CDH9: variants seen among roughly 807,000 people sequenced by gnomAD.
The protein encoded by CDH9 is cadherin 9.
CDH9 carries 28 observed loss-of-function variants against 70.9 expected under a neutral mutation model. That is an observed-to-expected ratio of 0.40 (90% CI 0.29 to 0.54). CDH9 has a LOEUF of 0.54. CDH9 is among the 20% of genes least tolerant of loss of function. The probability of loss-of-function intolerance (pLI) is 0.59; values close to 1 mark genes in which losing one functional copy is unlikely to be tolerated. For missense variants in CDH9, 874 were observed against 984.4 expected (o/e 0.89, Z 1.50); for synonymous variants, 409 against 343.1 (o/e 1.19, Z -2.12).
intron 2 of CDH9, among the ~76,000 whole-genome samples, chr5:26,943,470 G>C (rs539750203): frequency 6.7e-6 from 1 of 148,176 alleles, no homozygotes; most frequent in Non-Finnish European, 1.5e-5. Context: ...CTGAGATCAC[G>C]CCACTGCACT....
chr5:26,903,267 TC>T (rs1740887497), intron 6 of CDH9: 1 of 328,788 alleles, frequency 3.0e-6, no homozygotes, highest in Admixed American at 4.9e-5. Context: ...ACACAAAGCA[TC>T]TTCAGGTTTT....
rs376258714 is a variant in CDH9 at position 26,892,990 on chromosome 5, C to T, written c.1254-2426G>A. On this transcript the variant is annotated intron_variant, in intron 7 of 11. Transcript: ENST00000231021. ...CCTCGTGATCCGCCTGCCTTGGCCTCCCAAAGTGCTAGGACTACAGGCGTG... is the reference window on the plus strand; with the variant it reads ...CCTCGTGATCCGCCTGCCTTGGCCTTCCAAAGTGCTAGGACTACAGGCGTG... Among the ~76,000 whole-genome samples, 1,150 of 152,208 alleles carry T rather than the reference C, an allele frequency of 7.6e-3. 16 individuals carry two copies. Among genetic ancestry groups the T allele is most frequent in the African/African-American group, 0.026 (1,099 of 41,538 alleles).
intron 1 of CDH9, among the ~76,000 whole-genome samples, chr5:27,016,511 G>A (rs949781401): frequency 5.9e-5 from 9 of 151,698 alleles, no homozygotes; most frequent in East Asian, 1.9e-4. Flanking sequence ...TATTTTTAAG[G>A]TTTATGTATT....
chr5:26,896,022 A>G (rs572511092), intron 7 of CDH9, among the ~76,000 whole-genome samples: 1 of 152,126 alleles, frequency 6.6e-6, no homozygotes, highest in South Asian at 2.1e-4. Flanking sequence ...TGGCCTTGCA[A>G]ATTGGCAGAA....
At chr5:26,886,326 G>A (rs1261761769) in intron 9 of CDH9, among the ~76,000 whole-genome samples, 4 of 152,032 alleles carry the variant, frequency 2.6e-5, no homozygotes, top group Non-Finnish European at 2.9e-5. Context: ...GTATCTTAAT[G>A]CATTATTGTC....
intron 1 of CDH9, among the ~76,000 whole-genome samples, chr5:27,029,334 G>A (rs1383429669): frequency 6.6e-6 from 1 of 151,994 alleles, no homozygotes; most frequent in Non-Finnish European, 1.5e-5. Flanking sequence ...CATAATTGGA[G>A]TAATGTGGGA....
chr5:27,031,346 G>A (rs763141330), intron 1 of CDH9, among the ~76,000 whole-genome samples: 1 of 151,728 alleles, frequency 6.6e-6, no homozygotes, highest in African/African-American at 2.4e-5. Flanking sequence ...TTATTTTTAA[G>A]TGGTTAGGAT....
At chr5:27,030,872 A>T (rs948600415) in intron 1 of CDH9, among the ~76,000 whole-genome samples, 1 of 151,908 alleles carries the variant, frequency 6.6e-6, no homozygotes, top group African/African-American at 2.4e-5. Context: ...ACATCTAGAT[A>T]TAATTATATA....
chr5:27,011,010 T>C (rs74759725), intron 1 of CDH9, among the ~76,000 whole-genome samples: 3,565 of 152,180 alleles, frequency 0.023, 153 homozygotes, highest in African/African-American at 0.082. Flanking sequence ...GAAAATCTTA[T>C]GGCCCTTAAG....
chr5:26,953,183 T>C (rs1365500239), intron 2 of CDH9, among the ~76,000 whole-genome samples: 1 of 152,162 alleles, frequency 6.6e-6, no homozygotes, highest in Non-Finnish European at 1.5e-5. Flanking sequence ...CACTCTTCTT[T>C]AGAAAACCTA....
chr5:26,895,419 A>C (rs1480264043), intron 7 of CDH9, among the ~76,000 whole-genome samples: 1 of 152,080 alleles, frequency 6.6e-6, no homozygotes, highest in Non-Finnish European at 1.5e-5. Flanking sequence ...ATGCACTTAC[A>C]CATTTATTCC....
chr5:26,890,591 A>T (rs1335118799), intron 7 of CDH9, 27 bp from the exon 8 acceptor site: 2 of 1,558,524 alleles, frequency 1.3e-6, no homozygotes, highest in Admixed American at 3.3e-5. Context: ...TCATAAATCC[A>T]GGCATTCTTC....
At chr5:26,958,063 T>C (rs903277549) in intron 2 of CDH9, among the ~76,000 whole-genome samples, 4 of 152,162 alleles carry the variant, frequency 2.6e-5, no homozygotes, top group African/African-American at 9.7e-5. Flanking sequence ...TGAGACTTAC[T>C]AATACATGAT....
chr5:27,031,192 A>C lies in CDH9; in HGVS notation c.-50+7271T>G, dbSNP rs1164356348. On this transcript the variant is annotated intron_variant, in intron 1 of 11. Coordinates refer to ENST00000231021, the MANE Select transcript of CDH9 (RefSeq NM_016279.4). ...ATGATTACAACTGCTATTTTAATAA[A>C]AAATTCATACCACTGAAGGTTTATA... 2.0e-5 allele frequency among the ~76,000 whole-genome samples: 3 copies of C among 151,870 alleles called. No homozygotes were observed. The East Asian group carries it at 5.8e-4, about 29-fold the overall frequency.
In CDH9 at chr5:26,975,571, A is replaced by G. The variant is rs144477824; in HGVS notation, c.228+12535T>C. Among the ~76,000 whole-genome samples, 758 of 152,320 alleles carry G rather than the reference A, an allele frequency of 5.0e-3. 4 individuals carry two copies. The highest frequency in any genetic ancestry group is 7.0e-3 in the Non-Finnish European group (473 of 68,028). ...ATAAGCCTTAGTGTGACACATGCATATTCACATTGTGCTGTGTTTCTCAAA... is the reference window on the plus strand; with the variant it reads ...ATAAGCCTTAGTGTGACACATGCATGTTCACATTGTGCTGTGTTTCTCAAA... On this transcript the variant is annotated intron_variant, in intron 2 of 11. Transcript: ENST00000231021.
chr5:26,966,338 A>G (rs1742129150), intron 2 of CDH9, among the ~76,000 whole-genome samples: 1 of 152,206 alleles, frequency 6.6e-6, no homozygotes, highest in Admixed American at 6.5e-5. Flanking sequence ...TGTTCCAAGA[A>G]GGCTCTAATA....
chr5:26,912,913 C>T (rs2112001912), intron 3 of CDH9, among the ~76,000 whole-genome samples: 1 of 152,110 alleles, frequency 6.6e-6, no homozygotes, highest in East Asian at 1.9e-4. Flanking sequence ...GTGAATAAGT[C>T]CCAAGACATC....
Position 26,973,957 on chromosome 5 carries a change from G to C in CDH9, c.228+14149C>G, listed in dbSNP as rs143678734. ...CATTTATTCATGTTAAGAAAAGGCTGTCTATAGCTGGGTGTGATGGCTCAC... is the reference window on the plus strand; with the variant it reads ...CATTTATTCATGTTAAGAAAAGGCTCTCTATAGCTGGGTGTGATGGCTCAC... On this transcript the variant is annotated intron_variant, in intron 2 of 11. Transcript: ENST00000231021. Among the ~76,000 whole-genome samples the C allele has an allele frequency of 3.1e-3, 466 of 152,230 alleles. 1 individual carries two copies. Among genetic ancestry groups the C allele is most frequent in the African/African-American group, 0.011 (451 of 41,520 alleles).
At chr5:26,998,096 A>G (rs1256986078) in intron 1 of CDH9, among the ~76,000 whole-genome samples, 6 of 152,228 alleles carry the variant, frequency 3.9e-5, no homozygotes, top group Non-Finnish European at 5.9e-5. Flanking sequence ...TAATAAAGCC[A>G]AGGGCATTCC....
Sources: allele counts gnomAD v4.1 joint callset (sites outside exome capture counted in the v4.1 genomes callset), GRCh38; gene constraint gnomAD v4.1.1; transcripts MANE v1.5; gene names NCBI Gene and HGNC (gene_info 2026-07-23, HGNC 2026-07-21).